Variants in MEF2B observed in about 807,000 individuals in gnomAD.
The protein encoded by MEF2B is myocyte enhancer factor 2B, also known as myocyte-specific enhancer factor 2B.
MEF2B carries 15 observed loss-of-function variants against 32.2 expected under a neutral mutation model. The observed-to-expected ratio is 0.47, with a 90% CI of 0.31 to 0.72. MEF2B has a LOEUF of 0.72. MEF2B is among the 30% of genes least tolerant of loss of function. The pLI, the probability that MEF2B is intolerant of heterozygous loss-of-function variation, is 0.05. For synonymous variants in MEF2B, 205 were observed against 225.6 expected (o/e 0.91, Z 0.82); for missense variants, 441 against 511.5 (o/e 0.86, Z 1.33).
intron 1 of MEF2B, among the ~76,000 whole-genome samples, chr19:19,169,780 T>C (rs2146392133): frequency 6.6e-6 from 1 of 152,094 alleles, no homozygotes; most frequent in South Asian, 2.1e-4. Context: ...CAAACGAGTG[T>C]ACACCCACAG....
chr19:19,159,999 C>G (rs1440006180), intron 1 of MEF2B, among the ~76,000 whole-genome samples: 1 of 146,642 alleles, frequency 6.8e-6, no homozygotes, highest in African/African-American at 2.5e-5. Context: ...GATGGAGTCT[C>G]GCTCTGTTGC....
chr19:19,147,015 G>GC, intron 5 of MEF2B, 21 bp downstream of exon 5: 1 of 1,580,034 alleles, frequency 6.3e-7, no homozygotes, highest in Non-Finnish European at 8.6e-7. Context: ...CCTCACCCCT[G>GC]CCCCACTGTC....
At position 19,146,765 on chromosome 19, in the gene MEF2B, G is replaced by T. The variant is rs1409782491; in HGVS notation, c.652C>A (p.Pro218Thr). 1 of 1,613,996 alleles carries T rather than the reference G, an allele frequency of 6.2e-7. No individual in the cohort carries two copies. Among genetic ancestry groups the T allele is most frequent in the South Asian group, 1.1e-5 (1 of 91,082 alleles). Residue 218 changes from proline (P) to threonine (T), a missense_variant, in exon 6 of 9, where the codon CCC becomes ACC. By Grantham distance (38) the Pro-to-Thr change is conservative. Coordinates refer to ENST00000424583, the MANE Select transcript of MEF2B (RefSeq NM_001145785.2). ...ACGGAGGTGTTTAGTCCCCCTCGGG[G>T]CCCAGCCAGGCCACCAGGCAGGTCT... ...RSDLPGGLAG[P>T]RGGLNTSRSL...
intron 1 of MEF2B, among the ~76,000 whole-genome samples, chr19:19,156,604 C>T (rs1007191218): frequency 6.6e-6 from 1 of 152,112 alleles, no homozygotes; most frequent in Non-Finnish European, 1.5e-5. Flanking sequence ...GAAAGTGCAG[C>T]ATTATTTCAG....
chr19:19,145,652 G>A lies in MEF2B; in HGVS notation c.*145C>T, dbSNP rs1383988708. On this transcript the variant is annotated 3_prime_UTR_variant, in exon 9 of 9. Coordinates refer to ENST00000424583, the MANE Select transcript of MEF2B (RefSeq NM_001145785.2). The surrounding 1 kb of genome is among the most constrained non-coding windows in gnomAD (Gnocchi z 4.6). ...AAAGGAGCCCCCCAGGGTGGATTGA[G>A]TCCAGCCGCCCACCTCCAAGCCCCC... The A allele has an allele frequency of 1.3e-6, 2 of 1,524,004 alleles. No individual in the cohort carries two copies. Among genetic ancestry groups the A allele is most frequent in the Non-Finnish European group, 1.8e-6 (2 of 1,133,138 alleles). The allele number at this position is 1,524,004 out of a possible 1,614,324, so 94.4% of individuals were successfully genotyped here. A position where few individuals can be genotyped will look rare whatever the true frequency, so the allele number is the denominator to read the frequency against.
Position 19,149,319 on chromosome 19 carries a change from G to A in MEF2B, c.165C>T (p.Phe55=), listed in dbSNP as rs1240162895. Residue 55 remains phenylalanine (F), a synonymous_variant, in exon 3 of 9, where the codon TTC becomes TTT. Coordinates refer to ENST00000424583, the MANE Select transcript of MEF2B (RefSeq NM_001145785.2). ...LIIFNSANRL[F]QYASTDMDRV... is the part of the protein sequence containing the mutation. ...GGTCCATGTCCGTGCTGGCATACTG[G>A]AAGAGGCGGTTGGCGCTGTTGAAGA... The A allele has an allele frequency of 1.9e-6, 3 of 1,613,988 alleles. No individual in the cohort carries two copies. Among genetic ancestry groups the A allele is most frequent in the Non-Finnish European group, 2.5e-6 (3 of 1,180,026 alleles).
At chr19:19,168,272 T>C (rs1245296191) in intron 1 of MEF2B, among the ~76,000 whole-genome samples, 24 of 144,730 alleles carry the variant, frequency 1.7e-4, no homozygotes, top group African/African-American at 2.8e-4. Flanking sequence ...TTTCTTCTTT[T>C]TTTTTTTTTT....
At chr19:19,155,491 T>G (rs567456491) in intron 1 of MEF2B, among the ~76,000 whole-genome samples, 1 of 151,952 alleles carries the variant, frequency 6.6e-6, no homozygotes, top group South Asian at 2.1e-4. Context: ...GACAGTAAGG[T>G]TTGGTGAGCA....
At chr19:19,153,894 G>A (rs987656608) in intron 1 of MEF2B, among the ~76,000 whole-genome samples, 3 of 152,130 alleles carry the variant, frequency 2.0e-5, no homozygotes, top group Non-Finnish European at 4.4e-5. Flanking sequence ...GGGACTACAG[G>A]TGAGTGCCAC....
rs989384199 is a variant in MEF2B at position 19,146,292 on chromosome 19, C to A, written c.862G>T (p.Ala288Ser). The change falls in exon 8 of 9, where the codon GCC (alanine) becomes TCC (serine). Residue 288 changes from alanine (A) to serine (S), a missense_variant. Coordinates refer to ENST00000424583, the MANE Select transcript of MEF2B (RefSeq NM_001145785.2). ...ACTTACCTGGGCTGGGAGGACACGGCGGGGGGCCCATCACCCCTCGAGGGC... is the reference window on the plus strand; with the variant it reads ...ACTTACCTGGGCTGGGAGGACACGGAGGGGGGCCCATCACCCCTCGAGGGC... ...WQPSRGDGPP[A>S]VSSQPSGGRS... 9 of 1,248,396 alleles carry A rather than the reference C, an allele frequency of 7.2e-6. No homozygotes were observed. In the African/African-American group the frequency reaches 1.5e-4, roughly 21 times the overall value. 77.3% of individuals were successfully genotyped at this position (1,248,396 alleles called of 1,614,324 possible).
chr19:19,147,482 G>GTC (rs1456205221), intron 4 of MEF2B, among the ~76,000 whole-genome samples: 2 of 68,714 alleles, frequency 2.9e-5, no homozygotes, highest in Non-Finnish European at 6.6e-5. Flanking sequence ...TGAAATGAAG[G>GTC]AAGGAACTGT....
chr19:19,159,841 C>A (rs1184695171), intron 1 of MEF2B, among the ~76,000 whole-genome samples: 1 of 152,064 alleles, frequency 6.6e-6, no homozygotes, highest in Non-Finnish European at 1.5e-5. Context: ...GGAATCCCAC[C>A]CTTCCACTGA....
Position 19,147,103 on chromosome 19 carries a change from C to T in MEF2B, c.474G>A (p.Gly158=), listed in dbSNP as rs1450383142. 5.0e-6 allele frequency: 8 copies of T among 1,608,706 alleles called. No homozygotes were observed. The highest frequency in any genetic ancestry group is 1.3e-5 in the African/African-American group (1 of 74,870). The change falls in exon 5 of 9, where the codon GGG becomes GGA. Residue 158 remains glycine, a synonymous_variant. Coordinates refer to ENST00000424583, the MANE Select transcript of MEF2B (RefSeq NM_001145785.2). ...GGCGGCTCTGGGCGGGCAGTGCTTCCCCAAGCCCACTGGGGTCACAGCCTG... is the reference window on the plus strand; with the variant it reads ...GGCGGCTCTGGGCGGGCAGTGCTTCTCCAAGCCCACTGGGGTCACAGCCTG... ...PPPGCDPSGL[G]EALPAQSRPS... is the part of the protein sequence containing the mutation.
intron 1 of MEF2B, among the ~76,000 whole-genome samples, chr19:19,164,829 C>T (rs1176953576): frequency 6.6e-6 from 1 of 152,018 alleles, no homozygotes; most frequent in Non-Finnish European, 1.5e-5. Context: ...GAGTCTAAGG[C>T]CCTCTCAGGC....
chr19:19,156,706 C>T (rs1851130411), intron 1 of MEF2B, among the ~76,000 whole-genome samples: 1 of 152,110 alleles, frequency 6.6e-6, no homozygotes, highest in Non-Finnish European at 1.5e-5. Context: ...GGCTGGAGTT[C>T]AGTGGTGCAA....
intron 6 of MEF2B, 41 bp from the exon 7 acceptor site, chr19:19,146,689 C>T: frequency 9.9e-6 from 16 of 1,613,578 alleles, no homozygotes; most frequent in Non-Finnish European, 1.3e-5. Flanking sequence ...AGGCCCACAC[C>T]CAGGTCGCCC....
chr19:19,162,125 T>C (rs1453747487), intron 1 of MEF2B, among the ~76,000 whole-genome samples: 1 of 150,714 alleles, frequency 6.6e-6, no homozygotes, highest in Non-Finnish European at 1.5e-5. Context: ...TTAATTATTA[T>C]TATTTTTTTT....
At chr19:19,161,176 T>C (rs1256166200) in intron 1 of MEF2B, among the ~76,000 whole-genome samples, 1 of 151,946 alleles carries the variant, frequency 6.6e-6, no homozygotes, top group Non-Finnish European at 1.5e-5. Flanking sequence ...GGTCGATGGG[T>C]CCTGATGCCT....
Position 19,147,213 on chromosome 19 carries a change from A to AACTGTTTGCCTGTTGAACTCTTATT in MEF2B, c.394-31_394-30insAATAAGAGTTCAACAGGCAAACAGT, listed in dbSNP as rs766730470. On this transcript the variant is annotated intron_variant, in intron 4 of 8. Transcript: ENST00000424583. ...GGGTAGAGAAGGGATGGGTCAGAGG[A>AACTGTTTGCCTGTTGAACTCTTATT]CCCCAGGCCAGATGGGGGTGCCAAG... The AACTGTTTGCCTGTTGAACTCTTATT allele has an allele frequency of 6.0e-4, 843 of 1,394,316 alleles. 16 individuals carry two copies. The highest frequency in any genetic ancestry group is 2.7e-3 in the Admixed American group (100 of 36,642). The allele number at this position is 1,394,316 out of a possible 1,614,324, so 86.4% of individuals were successfully genotyped here. A position where few individuals can be genotyped will look rare whatever the true frequency, so the allele number is the denominator to read the frequency against.
Sources: allele counts gnomAD v4.1 joint callset (sites outside exome capture counted in the v4.1 genomes callset), GRCh38; gene constraint gnomAD v4.1.1; non-coding constraint Gnocchi (gnomAD v3.1); transcripts MANE v1.5; gene names NCBI Gene and HGNC (gene_info 2026-07-23, HGNC 2026-07-21).